Variants in SRSF12 observed in about 807,000 individuals in gnomAD.
SRSF12 encodes serine and arginine rich splicing factor 12.
Under a neutral mutation model 34.1 loss-of-function variants are expected in SRSF12, and 21 were observed. That is an observed-to-expected ratio of 0.62 (90% CI 0.44 to 0.89). The LOEUF is 0.89. SRSF12 is among the 40% of genes least tolerant of loss of function. The pLI, the probability that SRSF12 is intolerant of heterozygous loss-of-function variation, is 0.00. For synonymous variants in SRSF12, 111 were observed against 110.8 expected (o/e 1.00, Z -0.01); for missense variants, 278 against 327.8 (o/e 0.85, Z 1.17).
Position 89,105,153 on chromosome 6 carries a change from C to T in SRSF12, c.382G>A (p.Gly128Arg). 1.9e-6 allele frequency: 3 copies of T among 1,612,478 alleles called. No homozygotes were observed. The highest frequency in any genetic ancestry group is 2.5e-6 in the Non-Finnish European group (3 of 1,179,118). ...RRTRSRSSSW[G>R]RNRRRSDSLK... ...CTGTCTGACCGCCTCCTATTTCTTC[C>T]CCATGAAGAACTTCTACTTCGAGTT... is the stretch of plus-strand genomic sequence containing the variant. The change falls in exon 4 of 5, where the codon GGA becomes AGA. Residue 128 changes from glycine (G) to arginine (R), a missense_variant. Physicochemically the swap from Gly to Arg is moderately radical, Grantham distance 125. Transcript: ENST00000452027.
intron 1 of SRSF12, among the ~76,000 whole-genome samples, chr6:89,107,919 A>G (rs1768872715): frequency 6.6e-6 from 1 of 152,172 alleles, no homozygotes; most frequent in Admixed American, 6.5e-5. Context: ...AGTTATTATA[A>G]GACCTAATAA....
chr6:89,117,686 C>A, intron 1 of SRSF12, 137 bp downstream of exon 1: 1 of 827,178 alleles, frequency 1.2e-6, no homozygotes, highest in Middle Eastern at 3.9e-4. Flanking sequence ...CACACCTCCC[C>A]AAGTGGCGCA....
At chr6:89,103,665 G>T (rs1289921734) in intron 4 of SRSF12, among the ~76,000 whole-genome samples, 1 of 150,960 alleles carries the variant, frequency 6.6e-6, no homozygotes, top group Non-Finnish European at 1.5e-5. Context: ...TCACCATATT[G>T]CTCAGGATGG....
Position 89,117,983 on chromosome 6 carries a change from C to T in SRSF12, c.-96G>A. On this transcript the variant is annotated 5_prime_UTR_variant, in exon 1 of 5. Transcript: ENST00000452027. ...TACCACCACAGGAGCTCCGCCGGCC[C>T]CCGGCGCGACCCCCACCCCTCGGCC... 2 of 1,313,950 alleles carry T rather than the reference C, an allele frequency of 1.5e-6. No individual in the cohort carries two copies. Among genetic ancestry groups the T allele is most frequent in the Non-Finnish European group, 2.1e-6 (2 of 968,918 alleles). The allele number at this position is 1,313,950 out of a possible 1,614,324, so 81.4% of individuals were successfully genotyped here. A position where few individuals can be genotyped will look rare whatever the true frequency, so the allele number is the denominator to read the frequency against.
rs1293847355 is a variant in SRSF12, at chr6:89,098,431, C to T, written c.*147G>A. On this transcript the variant is annotated 3_prime_UTR_variant, in exon 5 of 5. Transcript: ENST00000452027. ...AAATGGAGACCAAATTTTTATTAATCCAAAGCTAGAGATTTTATTTCTTCC... is the reference window on the plus strand; with the variant it reads ...AAATGGAGACCAAATTTTTATTAATTCAAAGCTAGAGATTTTATTTCTTCC... The T allele has an allele frequency of 2.1e-5, 22 of 1,058,294 alleles. No homozygotes were observed. Among genetic ancestry groups the T allele is most frequent in the Non-Finnish European group, 2.8e-5 (22 of 786,392 alleles). 65.6% of individuals were successfully genotyped at this position (1,058,294 alleles called of 1,614,324 possible).
chr6:89,106,407 C>T (rs1293139774), intron 2 of SRSF12, among the ~76,000 whole-genome samples: 2 of 152,096 alleles, frequency 1.3e-5, no homozygotes, highest in African/African-American at 2.4e-5. Flanking sequence ...GCCACCGCAC[C>T]CAGCCAAACA....
At chr6:89,102,975 G>C (rs1768606559) in intron 4 of SRSF12, among the ~76,000 whole-genome samples, 1 of 152,094 alleles carries the variant, frequency 6.6e-6, no homozygotes, top group Non-Finnish European at 1.5e-5. Context: ...ATGTTGCCCA[G>C]GCTGGTCTCT....
chr6:89,100,767 A>T (rs1768503762), intron 4 of SRSF12, among the ~76,000 whole-genome samples: 1 of 152,242 alleles, frequency 6.6e-6, no homozygotes, highest in African/African-American at 2.4e-5. Context: ...ATCTGAAATT[A>T]AAAAGTCATT....
chr6:89,105,704 C>G (rs763967953), intron 2 of SRSF12, 174 bp from the exon 3 acceptor site: 43 of 428,250 alleles, frequency 1.0e-4, no homozygotes, highest in Middle Eastern at 1.2e-3. Flanking sequence ...CTCATGAAAA[C>G]AAATGACCCA....
intron 4 of SRSF12, among the ~76,000 whole-genome samples, chr6:89,103,526 G>A (rs754800781): frequency 6.6e-6 from 1 of 151,870 alleles, no homozygotes. Flanking sequence ...ACGGGGTTTC[G>A]CCATGTTGGC....
chr6:89,099,385 G>GCT lies in SRSF12; in HGVS notation c.417-440_417-439dup, dbSNP rs1213727394. On this transcript the variant is annotated intron_variant, in intron 4 of 4. Transcript: ENST00000452027. ...TAGACTAATCTTCCCATAGAAAACAGCTCTCTCTCTCTCTCTCCATATATA... is the reference window on the plus strand; with the variant it reads ...TAGACTAATCTTCCCATAGAAAACAGCTCTCTCTCTCTCTCTCTCCATATATA... Among the ~76,000 whole-genome samples the GCT allele has an allele frequency of 2.2e-4, 15 of 66,992 alleles. 1 individual carries two copies. Among genetic ancestry groups the GCT allele is most frequent in the Non-Finnish European group, 3.2e-4 (10 of 31,346 alleles). 43.9% of individuals were successfully genotyped at this position (66,992 alleles called of 152,430 possible).
At chr6:89,108,348 G>C (rs1562202885) in intron 1 of SRSF12, among the ~76,000 whole-genome samples, 1 of 152,196 alleles carries the variant, frequency 6.6e-6, no homozygotes, top group Non-Finnish European at 1.5e-5. Context: ...AGATGATACA[G>C]ACAGATTATG....
At position 89,117,909 on chromosome 6, in the gene SRSF12, CG is replaced by C; in HGVS notation, c.-23del. 1 of 1,554,614 alleles carries C rather than the reference CG, an allele frequency of 6.4e-7. No homozygotes were observed. The highest frequency in any genetic ancestry group is 1.2e-5 in the South Asian group (1 of 85,010). On this transcript the variant is annotated 5_prime_UTR_variant, in exon 1 of 5. Coordinates refer to ENST00000452027, the MANE Select transcript of SRSF12 (RefSeq NM_080743.5). ...ACATGACCGCTTCCTCCGTTCCCTC[CG>C]GGTCTGCCCGCGGCCGCTGGACTCG...
At chr6:89,113,932 T>C (rs1209913386) in intron 1 of SRSF12, among the ~76,000 whole-genome samples, 2 of 152,190 alleles carry the variant, frequency 1.3e-5, no homozygotes, top group African/African-American at 4.8e-5. Context: ...CATGAGCCAC[T>C]GTGCCCTATC....
Position 89,098,611 on chromosome 6 carries a change from T to G in SRSF12, c.753A>C (p.Arg251Ser). The change falls in exon 5 of 5, where the codon AGA becomes AGC. Residue 251 changes from arginine to serine, a missense_variant. Coordinates refer to ENST00000452027, the MANE Select transcript of SRSF12 (RefSeq NM_080743.5). Reference sequence around the variant, plus strand: ...TGTTTTTATGACGATAACTTCGAGATCTGGAATGTGACCGAAAATGAGAAT... The same window carrying G: ...TGTTTTTATGACGATAACTTCGAGAGCTGGAATGTGACCGAAAATGAGAAT... ...AKHSHFRSHS[R>S]SRSYRHKNSW 2 of 1,613,552 alleles carry G rather than the reference T, an allele frequency of 1.2e-6. No homozygotes were observed. Among genetic ancestry groups the G allele is most frequent in the Non-Finnish European group, 1.7e-6 (2 of 1,179,502 alleles).
chr6:89,117,123 T>C (rs1247680476), intron 1 of SRSF12, among the ~76,000 whole-genome samples: 1 of 152,018 alleles, frequency 6.6e-6, no homozygotes, highest in East Asian at 1.9e-4. Context: ...AGACACTCTG[T>C]AGACAAAATT....
rs1175203789 is a variant in SRSF12 at position 89,118,001 on chromosome 6, C to T, written c.-114G>A. ...GCCGGCCCCCGGCGCGACCCCCACC[C>T]CTCGGCCTCAGCCCCGCCAGCGCGC... On this transcript the variant is annotated 5_prime_UTR_variant, in exon 1 of 5. Coordinates refer to ENST00000452027, the MANE Select transcript of SRSF12 (RefSeq NM_080743.5). The T allele has an allele frequency of 6.8e-6, 8 of 1,169,046 alleles. No homozygotes were observed. Among genetic ancestry groups the T allele is most frequent in the Middle Eastern group, 5.2e-4 (2 of 3,824 alleles). The allele number at this position is 1,169,046 out of a possible 1,614,324, so 72.4% of individuals were successfully genotyped here.
intron 4 of SRSF12, among the ~76,000 whole-genome samples, chr6:89,099,536 A>AT (rs1397739562): frequency 1.1e-5 from 1 of 90,898 alleles, no homozygotes; most frequent in Non-Finnish European, 2.1e-5. Context: ...ACACACATAC[A>AT]TGTTTTTTTT....
rs1768316155 is a variant in SRSF12, at chr6:89,097,366, A to G, written c.*1212T>C. ...AAACCCTTTGAAAAACATAAACTAC[A>G]ACACATTTTCAAAGAAATTATTAGT... On this transcript the variant is annotated 3_prime_UTR_variant, in exon 5 of 5. Transcript: ENST00000452027. 1 of 152,200 alleles carries G rather than the reference A, an allele frequency of 6.6e-6. No individual in the cohort carries two copies. The highest frequency in any genetic ancestry group is 2.4e-5 in the African/African-American group (1 of 41,456). The allele number at this position is 152,200 out of a possible 1,614,324, so 9.4% of individuals were successfully genotyped here. A position where few individuals can be genotyped will look rare whatever the true frequency, so the allele number is the denominator to read the frequency against.
Sources: gnomAD v4.1 joint callset for allele counts (sites outside exome capture counted in the v4.1 genomes callset) on GRCh38, gnomAD v4.1.1 for gene constraint, MANE v1.5 for transcripts, NCBI Gene and HGNC (gene_info 2026-07-23, HGNC 2026-07-21) for gene names.